Variants in MTUS1 observed in about 807,000 individuals in gnomAD.
MTUS1 encodes the protein microtubule associated scaffold protein 1.
In MTUS1, 109 loss-of-function variants were observed where a neutral mutation model predicts 120.8. The observed-to-expected ratio is 0.90, with a 90% CI of 0.77 to 1.06. MTUS1 has a LOEUF of 1.06. Ranked by LOEUF, MTUS1 falls within the 50% of genes least tolerant of loss-of-function variation. The pLI is 0.00. For missense variants in MTUS1, 2,210 were observed against 1,486.3 expected (o/e 1.49, Z -8.01); for synonymous variants, 737 against 550.5 (o/e 1.34, Z -4.74).
chr8:17,750,864 C>T (rs779000250), intron 2 of MTUS1, among the ~76,000 whole-genome samples: 3 of 152,136 alleles, frequency 2.0e-5, no homozygotes, highest in African/African-American at 4.8e-5. Flanking sequence ...CTACATCTAG[C>T]CCCGTTTCAA....
intron 3 of MTUS1, chr8:17,724,148 C>A: frequency 2.0e-6 from 1 of 495,204 alleles, no homozygotes; most frequent in Non-Finnish European, 3.9e-6. Context: ...CATGAGAAAG[C>A]AGCTTTTGGC....
chr8:17,703,736 GTCAGACCGGTTC>G (rs1486449019), intron 6 of MTUS1, among the ~76,000 whole-genome samples: 1 of 152,096 alleles, frequency 6.6e-6, no homozygotes, highest in East Asian at 1.9e-4. Flanking sequence ...TAAATTTGAG[GTCAGACCGGTTC>G]TCTGCTCTCA....
intron 1 of MTUS1, chr8:17,800,759 G>C (rs1180190504): frequency 6.6e-6 from 1 of 152,408 alleles, no homozygotes; most frequent in South Asian, 2.1e-4. Flanking sequence ...GAGAAGGCTG[G>C]GACCGCCGGG....
chr8:17,713,490 G>A (rs1290302011), intron 5 of MTUS1, among the ~76,000 whole-genome samples: 1 of 151,918 alleles, frequency 6.6e-6, no homozygotes. Context: ...AATTAAATAG[G>A]ACCAGTTTTA....
At chr8:17,787,636 T>C (rs1356255034) in intron 1 of MTUS1, among the ~76,000 whole-genome samples, 1 of 152,216 alleles carries the variant, frequency 6.6e-6, no homozygotes, top group African/African-American at 2.4e-5. Context: ...CTTCGCCTCA[T>C]TTTCCTCATG....
At chr8:17,794,601 G>A (rs2052069065) in intron 1 of MTUS1, among the ~76,000 whole-genome samples, 1 of 152,142 alleles carries the variant, frequency 6.6e-6, no homozygotes, top group African/African-American at 2.4e-5. Flanking sequence ...CAGCAAGGAG[G>A]ACTTCTGCAA....
At chr8:17,740,608 G>C (rs955159950) in intron 3 of MTUS1, among the ~76,000 whole-genome samples, 1 of 152,194 alleles carries the variant, frequency 6.6e-6, no homozygotes, top group African/African-American at 2.4e-5. Flanking sequence ...AAAAAAATTA[G>C]TTGCTATTAA....
intron 7 of MTUS1, among the ~76,000 whole-genome samples, chr8:17,679,829 T>C (rs28592075): frequency 0.015 from 2,338 of 152,198 alleles, 55 homozygotes; most frequent in African/African-American, 0.052. Context: ...TAGTGCTCAG[T>C]ATACATTACA....
Position 17,654,613 on chromosome 8 carries a change from G to A in MTUS1, c.3162C>T (p.Ser1054=). ...HETSKLEIEA[S]HSEKLELLKK... is the part of the protein sequence containing the mutation. ...TTAGCAATTCAAGTTTCTCTGAGTG[G>A]CTAGCTTCAATTTCCAACTTAGAGG... Residue 1054 remains serine (S), a synonymous_variant, in exon 10 of 15, where the codon AGC becomes AGT. Coordinates refer to ENST00000693296, the MANE Select transcript of MTUS1 (RefSeq NM_001363059.2). 6.2e-7 allele frequency: 1 copy of A among 1,614,112 alleles called. No homozygotes were observed. Among genetic ancestry groups the A allele is most frequent in the Non-Finnish European group, 8.5e-7 (1 of 1,179,936 alleles).
At position 17,652,841 on chromosome 8, in the gene MTUS1, A is replaced by G. The variant is rs545928783; in HGVS notation, c.3384+345T>C. Among the ~76,000 whole-genome samples, 901 of 152,192 alleles carry G rather than the reference A, an allele frequency of 5.9e-3. 1 individual carries two copies. The highest frequency in any genetic ancestry group is 9.4e-3 in the Non-Finnish European group (637 of 67,996). On this transcript the variant is annotated intron_variant, in intron 12 of 14. Transcript: ENST00000693296. ...ACAGAGTGAGACTCCCTCTCAAAAA[A>G]AAAAAAAGAAAGAGTGAACTTTGTA...
chr8:17,777,452 G>GAAAAAA (rs796475013), intron 1 of MTUS1, among the ~76,000 whole-genome samples: 2 of 107,238 alleles, frequency 1.9e-5, no homozygotes. Flanking sequence ...AAAAGAAAAA[G>GAAAAAA]AAAAAAAAAA....
intron 9 of MTUS1, 108 bp from the exon 10 acceptor site, chr8:17,654,774 G>A (rs1807838937): frequency 2.7e-6 from 2 of 746,054 alleles, no homozygotes; most frequent in Non-Finnish European, 4.6e-6. Flanking sequence ...GGTAAGCGTG[G>A]GCTCTAGTTT....
intron 1 of MTUS1, among the ~76,000 whole-genome samples, chr8:17,775,178 T>C (rs1292623139): frequency 1.3e-5 from 2 of 152,114 alleles, no homozygotes; most frequent in Non-Finnish European, 2.9e-5. Context: ...CTGGTGATAG[T>C]TACACAACTT....
At chr8:17,731,750 A>G (rs1334637613) in intron 3 of MTUS1, among the ~76,000 whole-genome samples, 1 of 152,208 alleles carries the variant, frequency 6.6e-6, no homozygotes, top group Non-Finnish European at 1.5e-5. Flanking sequence ...GCCCCCAAAT[A>G]TAAGTGAGCG....
chr8:17,795,308 T>C (rs1013795238), intron 1 of MTUS1, among the ~76,000 whole-genome samples: 2 of 152,228 alleles, frequency 1.3e-5, no homozygotes, highest in Admixed American at 6.5e-5. Flanking sequence ...ACACAAAATG[T>C]CCTTAAATGT....
At chr8:17,734,998 C>CA (rs1307700293) in intron 3 of MTUS1, among the ~76,000 whole-genome samples, 1 of 152,034 alleles carries the variant, frequency 6.6e-6, no homozygotes, top group Non-Finnish European at 1.5e-5. Context: ...ACTGTAGACT[C>CA]AAATTTGGGC....
intron 1 of MTUS1, among the ~76,000 whole-genome samples, chr8:17,762,781 G>A (rs1413960344): frequency 6.9e-6 from 1 of 144,060 alleles, no homozygotes; most frequent in Non-Finnish European, 1.5e-5. Context: ...AATCAACTGG[G>A]CCTTTGGTTG....
intron 3 of MTUS1, among the ~76,000 whole-genome samples, chr8:17,740,833 T>A (rs1319830624): frequency 1.3e-5 from 2 of 152,158 alleles, no homozygotes; most frequent in East Asian, 1.9e-4. Context: ...ATTCTCATTC[T>A]ACCTCACATA....
chr8:17,787,894 G>C (rs1430188973), intron 1 of MTUS1, among the ~76,000 whole-genome samples: 1 of 152,238 alleles, frequency 6.6e-6, no homozygotes, highest in Non-Finnish European at 1.5e-5. Flanking sequence ...GCCGAGGCAG[G>C]CGGATCACCT....
Sources: gnomAD v4.1 joint callset for allele counts (sites outside exome capture counted in the v4.1 genomes callset) on GRCh38, gnomAD v4.1.1 for gene constraint, MANE v1.5 for transcripts, NCBI Gene and HGNC (gene_info 2026-07-23, HGNC 2026-07-21) for gene names.